PRKCA: variants seen among roughly 807,000 people sequenced by gnomAD.
The protein encoded by PRKCA is protein kinase C alpha type.
In PRKCA, 27 loss-of-function variants were observed where a neutral mutation model predicts 87.0. The observed-to-expected ratio is 0.31, with a 90% CI of 0.23 to 0.43. The LOEUF (loss-of-function observed/expected upper bound fraction) is 0.43. Among genes scored for constraint, PRKCA ranks in the 20% least tolerant of loss-of-function variants. The probability of loss-of-function intolerance (pLI) is 1.00; values close to 1 mark genes in which losing one functional copy is unlikely to be tolerated. For synonymous variants in PRKCA, 329 were observed against 311.1 expected, an observed-to-expected ratio of 1.06 and a Z score of -0.61; for missense variants, 518 against 852.3, an observed-to-expected ratio of 0.61 and a Z score of 4.88.
At chr17:66,472,574 A>C (rs1410069922) in intron 2 of PRKCA, among the ~76,000 whole-genome samples, 4 of 152,234 alleles carry the variant, frequency 2.6e-5, no homozygotes, top group Non-Finnish European at 5.9e-5. Flanking sequence ...TTTAATGCTC[A>C]GTTGCCAAAA....
intron 3 of PRKCA, among the ~76,000 whole-genome samples, chr17:66,542,718 A>G (rs1968024303): frequency 6.6e-6 from 1 of 152,202 alleles, no homozygotes; most frequent in Non-Finnish European, 1.5e-5. Flanking sequence ...GGGAGTCTCA[A>G]CAAATGTGTA....
intron 2 of PRKCA, among the ~76,000 whole-genome samples, chr17:66,374,132 C>T (rs753267245): frequency 6.6e-6 from 1 of 152,102 alleles, no homozygotes; most frequent in East Asian, 1.9e-4. Flanking sequence ...CTGAAGCACA[C>T]CCTTGCTCCC....
At chr17:66,449,289 A>C (rs1450122129) in intron 2 of PRKCA, among the ~76,000 whole-genome samples, 3 of 152,158 alleles carry the variant, frequency 2.0e-5, no homozygotes, top group Admixed American at 6.5e-5. Flanking sequence ...CCTATTTCAA[A>C]AAAACAAAAC....
intron 11 of PRKCA, 124 bp from the exon 12 acceptor site, chr17:66,741,535 C>T: frequency 2.0e-6 from 2 of 982,216 alleles, no homozygotes; most frequent in Non-Finnish European, 1.6e-6. Context: ...GAACACGATG[C>T]TGGTCTCTGA....
rs534478759 is a variant in PRKCA, at chr17:66,445,331, G to A, written c.206-50870G>A. On this transcript the variant is annotated intron_variant, in intron 2 of 16. Coordinates refer to ENST00000413366, the MANE Select transcript of PRKCA (RefSeq NM_002737.3). The stretch of plus-strand genomic sequence containing the variant: ...CTCTGTCCCACTCCAAATGGCATCC[G>A]GGATTCACATACCAAGGCTGGCTGG... 1.1e-4 allele frequency among the ~76,000 whole-genome samples: 16 copies of A among 152,332 alleles called. 1 individual carries two copies. The highest frequency in any genetic ancestry group is 2.6e-4 in the African/African-American group (11 of 41,584).
At chr17:66,501,440 T>C (rs1916726000) in intron 3 of PRKCA, among the ~76,000 whole-genome samples, 1 of 152,182 alleles carries the variant, frequency 6.6e-6, no homozygotes, top group African/African-American at 2.4e-5. Flanking sequence ...TCCGTCCCCA[T>C]ACACGCTGAG....
chr17:66,610,290 G>A (rs1010376050), intron 3 of PRKCA, among the ~76,000 whole-genome samples: 18 of 152,202 alleles, frequency 1.2e-4, no homozygotes, highest in Non-Finnish European at 1.8e-4. Context: ...GGGGCCCAGA[G>A]CTTCCATGGC....
rs187767952 is a variant in PRKCA at position 66,426,944 on chromosome 17, T to G, written c.206-69257T>G. 2.2e-3 allele frequency among the ~76,000 whole-genome samples: 340 copies of G among 152,302 alleles called. 2 individuals are homozygous for G. The highest frequency in any genetic ancestry group is 3.3e-3 in the Non-Finnish European group (223 of 68,022). On this transcript the variant is annotated intron_variant, in intron 2 of 16. Coordinates refer to ENST00000413366, the MANE Select transcript of PRKCA (RefSeq NM_002737.3). ...TAATTAACCCTGGGGTTTTCCTGCCTCAGACCTTTTTGTAAGATTATTAAC... is the reference window on the plus strand; with the variant it reads ...TAATTAACCCTGGGGTTTTCCTGCCGCAGACCTTTTTGTAAGATTATTAAC...
At chr17:66,416,628 G>C (rs540735515) in intron 2 of PRKCA, 1 of 152,176 alleles carries the variant, frequency 6.6e-6, no homozygotes, top group Non-Finnish European at 1.5e-5. Context: ...AGTCTCAAGC[G>C]GGTGCTGTTG....
chr17:66,476,359 C>T (rs1253883894), intron 2 of PRKCA, among the ~76,000 whole-genome samples: 1 of 152,218 alleles, frequency 6.6e-6, no homozygotes, highest in African/African-American at 2.4e-5. Flanking sequence ...TGTTGCCTCC[C>T]TGCTGCACAG....
chr17:66,428,127 C>T (rs1425869857), intron 2 of PRKCA, among the ~76,000 whole-genome samples: 1 of 152,170 alleles, frequency 6.6e-6, no homozygotes, highest in East Asian at 1.9e-4. Context: ...AATTGCCCGA[C>T]TCACGTGATT....
chr17:66,578,036 CT>C (rs1291266377), intron 3 of PRKCA, among the ~76,000 whole-genome samples: 1 of 151,936 alleles, frequency 6.6e-6, no homozygotes, highest in Non-Finnish European at 1.5e-5. Context: ...TGAGCTCTTT[CT>C]TTAACCTTTC....
At chr17:66,335,372 C>T (rs777206871) in intron 2 of PRKCA, among the ~76,000 whole-genome samples, 4 of 152,032 alleles carry the variant, frequency 2.6e-5, no homozygotes, top group South Asian at 4.1e-4. Context: ...TGGCCTCAAG[C>T]ATTCCTCCCA....
chr17:66,516,430 C>T (rs972213116), intron 3 of PRKCA, among the ~76,000 whole-genome samples: 9 of 151,830 alleles, frequency 5.9e-5, no homozygotes, highest in Admixed American at 1.3e-4. Flanking sequence ...GTCAGGGGTT[C>T]GAGACGAGCC....
intron 2 of PRKCA, among the ~76,000 whole-genome samples, chr17:66,328,172 C>T (rs1275223401): frequency 6.6e-6 from 1 of 152,108 alleles, no homozygotes; most frequent in African/African-American, 2.4e-5. Flanking sequence ...TCCAGAGTAG[C>T]TGGGTGTTAA....
In PRKCA at chr17:66,606,137, C is replaced by T. The variant is rs545206319; in HGVS notation, c.289-35218C>T. Among the ~76,000 whole-genome samples the T allele has an allele frequency of 7.2e-5, 11 of 152,278 alleles. No individual in the cohort carries two copies. In the South Asian group the frequency reaches 2.3e-3, roughly 32 times the overall value. ...AGATGTGGCTGCTCATGCCTGTAAT[C>T]CCAGCACTTTGGGAGGCTGAGGTGG... On this transcript the variant is annotated intron_variant, in intron 3 of 16. Transcript: ENST00000413366.
intron 3 of PRKCA, among the ~76,000 whole-genome samples, chr17:66,629,223 A>C (rs1449991251): frequency 6.6e-6 from 1 of 152,170 alleles, no homozygotes; most frequent in African/African-American, 2.4e-5. Flanking sequence ...TGTTTAATAG[A>C]TGAACAAATA....
chr17:66,572,086 T>C (rs1969094974), intron 3 of PRKCA, among the ~76,000 whole-genome samples: 1 of 152,196 alleles, frequency 6.6e-6, no homozygotes, highest in African/African-American at 2.4e-5. Context: ...CTAGACATGG[T>C]AAGTGCGTAA....
intron 3 of PRKCA, among the ~76,000 whole-genome samples, chr17:66,602,780 T>C (rs1164471157): frequency 6.6e-6 from 1 of 152,090 alleles, no homozygotes; most frequent in Non-Finnish European, 1.5e-5. Flanking sequence ...CAGCCAAGTA[T>C]AAAGGGGTCC....
Sources: allele counts gnomAD v4.1 joint callset (sites outside exome capture counted in the v4.1 genomes callset), GRCh38; gene constraint gnomAD v4.1.1; transcripts MANE v1.5; gene names NCBI Gene and HGNC (gene_info 2026-07-23, HGNC 2026-07-21).